The following MADD variants were observed in gnomAD, a reference collection of about 807,000 sequenced individuals.
The protein encoded by MADD is MAP kinase-activating death domain protein.
MADD carries 109 observed loss-of-function variants against 176.7 expected under a neutral mutation model. That is an observed-to-expected ratio of 0.62 (90% CI 0.53 to 0.72). MADD has a LOEUF of 0.72. Ranked by LOEUF, MADD falls within the 30% of genes least tolerant of loss-of-function variation. The pLI, the probability that MADD is intolerant of heterozygous loss-of-function variation, is 0.00. For synonymous variants in MADD, 771 were observed against 771.3 expected (o/e 1.00, Z 0.01); for missense variants, 1,914 against 2,045.5 (o/e 0.94, Z 1.24).
chr11:47,278,205 C>G, exon 6 of MADD: 1 of 1,614,092 alleles, frequency 6.2e-7, no homozygotes. Flanking sequence ...GGGGTTCCTG[C>G]CAGCTTCTTC....
At chr11:47,275,109 T>C (rs746315952) in exon 3 of MADD, 1 of 1,614,170 alleles carries the variant, frequency 6.2e-7, no homozygotes, top group East Asian at 2.2e-5. Context: ...TGGACTGCTG[T>C]AGTGAGCGCC....
chr11:47,290,472 G>A (rs193231584), intron 18 of MADD, 138 bp from the exon 20 acceptor site: 286 of 1,257,718 alleles, frequency 2.3e-4, no homozygotes, highest in Non-Finnish European at 2.9e-4. Flanking sequence ...TCTTTGTTAC[G>A]AAAAATAAGA....
rs1327268385 is a variant in MADD at position 47,293,891 on chromosome 11, GT to G, written c.3311del (p.Val1104GlufsTer24). The G allele has an allele frequency of 6.2e-7, 1 of 1,613,052 alleles. No individual in the cohort carries two copies. Among genetic ancestry groups the G allele is most frequent in the Non-Finnish European group, 8.5e-7 (1 of 1,179,014 alleles). ...AGTCTTCCCCTACTCAGGGCCTGAA[GT>G]AATCAAACCTGTCTTTGACCTTGGT... On this transcript the variant is annotated frameshift_variant, in exon 20 of 33. Coordinates refer to ENST00000402192, the Ensembl canonical transcript of MADD. LOFTEE classifies it high-confidence loss of function.
At chr11:47,270,533 A>C (rs1403026068) in intron 1 of MADD, 1 of 98,808 alleles carries the variant, frequency 1.0e-5, no homozygotes. Context: ...ACTGTCCAGC[A>C]GGTGAGGGGG....
intron 15 of MADD, 125 bp from the exon 16 acceptor site, chr11:47,288,843 C>A: frequency 1.3e-6 from 1 of 748,194 alleles, no homozygotes; most frequent in Non-Finnish European, 2.2e-6. Context: ...TGCCCAAGAA[C>A]CAAGGTTATG....
chr11:47,279,226 C>T (rs2053737891), intron 7 of MADD, 147 bp downstream of exon 7: 2 of 680,722 alleles, frequency 2.9e-6, no homozygotes, highest in South Asian at 3.6e-5. Context: ...AACGCGTATC[C>T]CATTTCTGGG....
chr11:47,310,520 T>G (rs1447389633), intron 25 of MADD, among the ~76,000 whole-genome samples: 1 of 152,160 alleles, frequency 6.6e-6, no homozygotes, highest in Non-Finnish European at 1.5e-5. Flanking sequence ...TGGTCTCTCT[T>G]TACTAAGTAG....
At chr11:47,296,429 A>T (rs1427692807) in intron 22 of MADD, among the ~76,000 whole-genome samples, 1 of 152,226 alleles carries the variant, frequency 6.6e-6, no homozygotes, top group Non-Finnish European at 1.5e-5. Flanking sequence ...TGGACTATCC[A>T]GTTTTATTTT....
intron 14 of MADD, among the ~76,000 whole-genome samples, chr11:47,285,878 T>C (rs569206434): frequency 4.6e-5 from 7 of 152,382 alleles, no homozygotes; most frequent in Non-Finnish European, 8.8e-5. Flanking sequence ...CTTGTACTTA[T>C]ATTTTGTGGA....
chr11:47,326,631 G>T, intron 30 of MADD, 79 bp downstream of exon 34: 3 of 1,524,962 alleles, frequency 2.0e-6, no homozygotes, highest in Non-Finnish European at 1.8e-6. Flanking sequence ...CTCTCTTTGG[G>T]AAATAGACTT....
chr11:47,269,575 T>C (rs1958285627), upstream of MADD: 1 of 152,156 alleles, frequency 6.6e-6, no homozygotes. Flanking sequence ...GCGGACTGAC[T>C]GGACTCCATC....
intron 22 of MADD, among the ~76,000 whole-genome samples, chr11:47,302,078 T>C (rs2078191694): frequency 6.6e-6 from 1 of 152,222 alleles, no homozygotes; most frequent in South Asian, 2.1e-4. Flanking sequence ...CAACTGTTAT[T>C]GTATTGGTGT....
chr11:47,323,792 G>A (rs903767626), exon 28 of MADD: 1 of 1,614,118 alleles, frequency 6.2e-7, no homozygotes, highest in Non-Finnish European at 8.5e-7. Context: ...TTGTGGCGTA[G>A]AAATGGCTCT....
rs2063762376 is a variant in MADD at position 47,289,860 on chromosome 11, C to A, written c.2757-7C>A. On this transcript the variant is annotated splice_polypyrimidine_tract_variant and splice_region_variant and intron_variant, in intron 16 of 32. Transcript: ENST00000402192. ...ATGACCACAGAAGCGGTGTGTGGAC[C>A]CTGTAGTGAGAACCAGCAGTTCCTG... 6.2e-7 allele frequency: 1 copy of A among 1,612,892 alleles called. No individual in the cohort carries two copies. Among genetic ancestry groups the A allele is most frequent in the African/African-American group, 1.3e-5 (1 of 74,864 alleles).
chr11:47,314,616 A>AG (rs956963924), intron 26 of MADD, among the ~76,000 whole-genome samples: 6 of 152,238 alleles, frequency 3.9e-5, no homozygotes, highest in Admixed American at 2.6e-4. Flanking sequence ...CTAAAAAAAA[A>AG]GAAGCTTCTG....
intron 6 of MADD, 143 bp from the exon 7 acceptor site, chr11:47,278,856 C>T (rs2053279004): frequency 6.5e-6 from 4 of 612,432 alleles, no homozygotes; most frequent in Non-Finnish European, 1.2e-5. Flanking sequence ...TATGTGTGTA[C>T]ATATATCTTA....
At chr11:47,270,147 A>T (rs1173763683), upstream of MADD, 4 of 151,906 alleles carry the variant, frequency 2.6e-5, no homozygotes, top group East Asian at 7.8e-4. Context: ...CAGACGCGGA[A>T]CTGGCGCCCG....
intron 31 of MADD, 194 bp from the exon 36 acceptor site, chr11:47,328,464 T>C (rs2095697220): frequency 6.9e-7 from 1 of 1,453,396 alleles, no homozygotes; most frequent in Middle Eastern, 2.0e-4. Flanking sequence ...TAGGGCCATG[T>C]CCTCCCAGCT....
chr11:47,296,206 C>T, intron 22 of MADD, 151 bp downstream of exon 24: 1 of 923,244 alleles, frequency 1.1e-6, no homozygotes, highest in Admixed American at 2.9e-5. Context: ...GAAAACATTT[C>T]TTAAGGCTTT....
Sources: allele counts gnomAD v4.1 joint callset (sites outside exome capture counted in the v4.1 genomes callset), GRCh38; gene constraint gnomAD v4.1.1; transcripts MANE v1.5; gene names NCBI Gene and HGNC (gene_info 2026-07-23, HGNC 2026-07-21).